MAP2K5: variants seen among roughly 807,000 people sequenced by gnomAD.
MAP2K5 encodes mitogen-activated protein kinase kinase 5.
A neutral mutation model predicts 83.1 loss-of-function variants in MAP2K5; 49 were observed. The observed-to-expected ratio is 0.59, with a 90% CI of 0.47 to 0.75. The LOEUF is 0.75. MAP2K5 is among the 30% of genes least tolerant of loss of function. MAP2K5 has a pLI of 0.00. For missense variants in MAP2K5, 457 were observed against 557.5 expected (o/e 0.82, Z 1.82); for synonymous variants, 202 against 191.8 (o/e 1.05, Z -0.44).
In MAP2K5 at chr15:67,591,114, A is replaced by G. The variant is rs886450171; in HGVS notation, c.432-1812A>G. ...GTAATCCCAGCACTTTGGGAGGCCA[A>G]GGTGGGCAGATCACGAGGTCAGGAG... On this transcript the variant is annotated intron_variant, in intron 6 of 21. Transcript: ENST00000178640. 2.7e-4 allele frequency among the ~76,000 whole-genome samples: 41 copies of G among 152,042 alleles called. 1 individual carries two copies. Among genetic ancestry groups the G allele is most frequent in the African/African-American group, 9.4e-4 (39 of 41,424 alleles).
chr15:67,671,716 G>A (rs2087541534), intron 13 of MAP2K5, among the ~76,000 whole-genome samples: 1 of 151,412 alleles, frequency 6.6e-6, no homozygotes, highest in Admixed American at 6.6e-5. Flanking sequence ...CAATGTGCAG[G>A]TTAGTTGCAT....
At chr15:67,610,209 T>C (rs1034221192) in intron 8 of MAP2K5, among the ~76,000 whole-genome samples, 1 of 152,214 alleles carries the variant, frequency 6.6e-6, no homozygotes, top group African/African-American at 2.4e-5. Flanking sequence ...TGAAAGTCAA[T>C]GATGTATCAT....
At chr15:67,798,269 C>T (rs970921864) in intron 21 of MAP2K5, among the ~76,000 whole-genome samples, 20 of 152,228 alleles carry the variant, frequency 1.3e-4, no homozygotes, top group African/African-American at 2.4e-5. Flanking sequence ...CCAAAACTGC[C>T]GGAGGCAGCC....
At chr15:67,756,514 A>AGT (rs1566953852) in intron 19 of MAP2K5, among the ~76,000 whole-genome samples, 3,938 of 97,862 alleles carry the variant, frequency 0.04, 90 homozygotes, top group East Asian at 0.14. Context: ...ACACACAGTT[A>AGT]CTGTGTGTGT....
rs2084610287 is a variant in MAP2K5, at chr15:67,555,759, CATTTGTATTTGGCT to C, written c.184+5688_184+5701del. 6.6e-6 allele frequency among the ~76,000 whole-genome samples: 1 copy of C among 151,146 alleles called. No homozygotes were observed. Among genetic ancestry groups the C allele is most frequent in the African/African-American group, 2.4e-5 (1 of 41,138 alleles). ...TTGTAAATGAGCTTGAATATCTTCTCATTTGTATTTGGCTATTTGTATTTAATTTCCTTTTTTTT... is the reference window on the plus strand; with the variant it reads ...TTGTAAATGAGCTTGAATATCTTCTCATTTGTATTTAATTTCCTTTTTTTT... On this transcript the variant is annotated intron_variant, in intron 2 of 21. Transcript: ENST00000178640. This position sits in a 1 kb window ranked among gnomAD's most constrained non-coding sequence, Gnocchi z 5.2.
intron 4 of MAP2K5, among the ~76,000 whole-genome samples, chr15:67,583,996 ACC>A (rs1327922510): frequency 6.6e-6 from 1 of 151,696 alleles, no homozygotes; most frequent in East Asian, 1.9e-4. Context: ...CAATCCTCCC[ACC>A]ACCACTTCTC....
At chr15:67,566,360 G>C (rs2084839685) in intron 3 of MAP2K5, among the ~76,000 whole-genome samples, 1 of 152,098 alleles carries the variant, frequency 6.6e-6, no homozygotes. Flanking sequence ...CTTTTTGGTA[G>C]AGATGGGATT....
At chr15:67,695,162 T>C (rs2088219013) in intron 15 of MAP2K5, among the ~76,000 whole-genome samples, 1 of 151,174 alleles carries the variant, frequency 6.6e-6, no homozygotes, top group Non-Finnish European at 1.5e-5. Flanking sequence ...TAATGCTAGA[T>C]GACGAGTTAG....
Position 67,748,355 on chromosome 15 carries a change from C to A in MAP2K5, c.1101+98C>A. Reference sequence around the variant, plus strand: ...GCCTTGTTTTAAACTTAGCAAATTGCATTTTGAAGAAAATGCAAACCTTTA... The same window carrying A: ...GCCTTGTTTTAAACTTAGCAAATTGAATTTTGAAGAAAATGCAAACCTTTA... On this transcript the variant is annotated intron_variant, in intron 18 of 21. Coordinates refer to ENST00000178640, the MANE Select transcript of MAP2K5 (RefSeq NM_145160.3). This position sits in a 1 kb window ranked among gnomAD's most constrained non-coding sequence, Gnocchi z 4.0. 1.2e-5 allele frequency: 13 copies of A among 1,119,830 alleles called. No homozygotes were observed. The highest frequency in any genetic ancestry group is 1.7e-5 in the Non-Finnish European group (13 of 749,428). The allele number at this position is 1,119,830 out of a possible 1,614,324, so 69.4% of individuals were successfully genotyped here.
intron 21 of MAP2K5, among the ~76,000 whole-genome samples, chr15:67,800,791 T>G (rs2090691469): frequency 6.6e-6 from 1 of 152,150 alleles, no homozygotes; most frequent in Non-Finnish European, 1.5e-5. Flanking sequence ...CATGTGTACG[T>G]CCTAAGTGGA....
chr15:67,672,958 G>A (rs2087582841), intron 13 of MAP2K5, among the ~76,000 whole-genome samples: 1 of 152,110 alleles, frequency 6.6e-6, no homozygotes, highest in Non-Finnish European at 1.5e-5. Context: ...GTTTGTCAAA[G>A]ATCAGATAGT....
intron 8 of MAP2K5, among the ~76,000 whole-genome samples, chr15:67,624,266 G>T (rs1188483043): frequency 6.7e-6 from 1 of 148,732 alleles, no homozygotes; most frequent in African/African-American, 2.5e-5. Context: ...GTGAACCCGG[G>T]AAGCGGAGCT....
chr15:67,733,339 G>T (rs1003954202), intron 17 of MAP2K5, among the ~76,000 whole-genome samples: 5 of 152,110 alleles, frequency 3.3e-5, no homozygotes, highest in African/African-American at 1.2e-4. Flanking sequence ...AGATATTCTT[G>T]TAACGATCCA....
intron 21 of MAP2K5, among the ~76,000 whole-genome samples, chr15:67,799,512 C>G (rs2090664789): frequency 6.6e-6 from 1 of 152,248 alleles, no homozygotes; most frequent in Non-Finnish European, 1.5e-5. Flanking sequence ...GACAGCTGCC[C>G]TGTGTTCAAA....
intron 14 of MAP2K5, 52 bp downstream of exon 14, chr15:67,692,604 T>A: frequency 7.2e-7 from 1 of 1,385,506 alleles, no homozygotes. Context: ...AACCCCTTTA[T>A]ATTTTCATTC....
chr15:67,742,636 A>G (rs566492765), intron 17 of MAP2K5, among the ~76,000 whole-genome samples: 1 of 152,336 alleles, frequency 6.6e-6, no homozygotes, highest in South Asian at 2.1e-4. Flanking sequence ...AATGTCTAAA[A>G]TCTTCAAAAC....
intron 8 of MAP2K5, among the ~76,000 whole-genome samples, chr15:67,621,373 G>A (rs1251326544): frequency 6.7e-6 from 1 of 149,654 alleles, no homozygotes; most frequent in Non-Finnish European, 1.5e-5. Context: ...AATCAAGAAG[G>A]TGGGACAGGG....
intron 9 of MAP2K5, among the ~76,000 whole-genome samples, chr15:67,635,163 C>T (rs144008829): frequency 8.0e-5 from 12 of 150,166 alleles, no homozygotes; most frequent in African/African-American, 2.7e-4. Flanking sequence ...AATGCATTGT[C>T]ACTACTTTTG....
chr15:67,718,480 G>T (rs1179650536), intron 16 of MAP2K5, among the ~76,000 whole-genome samples: 1 of 152,060 alleles, frequency 6.6e-6, no homozygotes, highest in Non-Finnish European at 1.5e-5. Context: ...AATTTTTATG[G>T]GGGCTGGGTG....
Sources: gnomAD v4.1 joint callset for allele counts (sites outside exome capture counted in the v4.1 genomes callset) on GRCh38, gnomAD v4.1.1 for gene constraint, Gnocchi (gnomAD v3.1) non-coding constraint, MANE v1.5 for transcripts, NCBI Gene and HGNC (gene_info 2026-07-23, HGNC 2026-07-21) for gene names.